The following AKAP9 variants were observed in gnomAD, a reference collection of about 807,000 sequenced individuals.
AKAP9 encodes A-kinase anchoring protein 9.
Under a neutral mutation model 488.5 loss-of-function variants are expected in AKAP9, and 311 were observed. The ratio of observed to expected loss-of-function variants is 0.64; its 90% confidence interval spans 0.58 to 0.70. AKAP9 has a LOEUF of 0.70. Among genes scored for constraint, AKAP9 ranks in the 30% least tolerant of loss-of-function variants. The pLI is 0.00. For synonymous variants in AKAP9, 1,462 were observed against 1,483.5 expected, an observed-to-expected ratio of 0.99 and a Z score of 0.33; for missense variants, 4,215 against 4,374.5, an observed-to-expected ratio of 0.96 and a Z score of 1.03.
Position 92,083,511 on chromosome 7 carries a change from A to G in AKAP9, c.8502A>G (p.Leu2834=). 1.9e-6 allele frequency: 3 copies of G among 1,607,474 alleles called. No homozygotes were observed. The highest frequency in any genetic ancestry group is 1.7e-6 in the Non-Finnish European group (2 of 1,177,022). The part of the protein sequence containing the change: ...FTEKIEKMQE[L]HAAEILDMES... ...AAAAAATTGAGAAGATGCAAGAACTACATGCTGCTGAAATTTTGGACATGG... is the reference window on the plus strand; with the variant it reads ...AAAAAATTGAGAAGATGCAAGAACTGCATGCTGCTGAAATTTTGGACATGG... Residue 2834 remains leucine, a synonymous_variant, in exon 33 of 50, where the codon CTA becomes CTG. Transcript: ENST00000356239.
chr7:91,942,777 C>G (rs552289826), intron 1 of AKAP9, among the ~76,000 whole-genome samples: 1 of 152,200 alleles, frequency 6.6e-6, no homozygotes, highest in South Asian at 2.1e-4. Context: ...GTTTCTTTAT[C>G]TTTCAGAATT....
At chr7:92,095,840 C>T (rs1267327543) in intron 40 of AKAP9, among the ~76,000 whole-genome samples, 1 of 152,182 alleles carries the variant, frequency 6.6e-6, no homozygotes, top group East Asian at 1.9e-4. Flanking sequence ...AAAGAGAACT[C>T]TCTGCCCGGC....
At chr7:92,094,933 T>A in intron 39 of AKAP9, 90 bp from the exon 40 acceptor site, 1 of 1,184,676 alleles carries the variant, frequency 8.4e-7, no homozygotes, top group Non-Finnish European at 1.2e-6. Context: ...ATTATATGCC[T>A]CAACTTATCA....
chr7:92,040,839 C>T lies in AKAP9; in HGVS notation c.4858C>T (p.Arg1620Ter), dbSNP rs551980172. Residue 1620 changes from arginine (R) to a stop codon, truncating the protein, a stop_gained, in exon 18 of 50, where the codon CGA becomes TGA. Transcript: ENST00000356239. LOFTEE classifies it high-confidence loss of function. ...QAHMRQMERQ[R>*]EDQEQLQEEI... is the part of the protein sequence containing the mutation. ...ACATATGCGGCAAATGGAGAGACAG[C>T]GAGAAGACCAGGAACAGCTACAAGA... The T allele has an allele frequency of 6.2e-7, 1 of 1,613,724 alleles. No homozygotes were observed. Among genetic ancestry groups the T allele is most frequent in the Non-Finnish European group, 8.5e-7 (1 of 1,179,924 alleles).
rs974427170 is a variant in AKAP9 at position 92,072,656 on chromosome 7, G to T, written c.6612+1647G>T. On this transcript the variant is annotated intron_variant, in intron 28 of 49. Coordinates refer to ENST00000356239, the MANE Select transcript of AKAP9 (RefSeq NM_005751.5). ...ATAAAAAGAGAACTCTAAAAGAAAG[G>T]AGTTTTAGAATTATAGGAGGAGGTA... Among the ~76,000 whole-genome samples the T allele has an allele frequency of 9.1e-4, 138 of 152,094 alleles. 13 individuals carry two copies. Among genetic ancestry groups the T allele is most frequent in the Non-Finnish European group, 5.9e-5 (4 of 68,024 alleles).
At chr7:91,952,570 A>G (rs1792395818) in intron 1 of AKAP9, among the ~76,000 whole-genome samples, 1 of 152,178 alleles carries the variant, frequency 6.6e-6, no homozygotes, top group South Asian at 2.1e-4. Flanking sequence ...GTGGAAGGTG[A>G]GTAGAAGCTT....
chr7:92,061,242 G>GT lies in AKAP9; in HGVS notation c.5602-15dup. The GT allele has an allele frequency of 6.2e-7, 1 of 1,610,004 alleles. No individual in the cohort carries two copies. Among genetic ancestry groups the GT allele is most frequent in the African/African-American group, 1.3e-5 (1 of 74,758 alleles). On this transcript the variant is annotated splice_polypyrimidine_tract_variant and intron_variant, in intron 22 of 49. Coordinates refer to ENST00000356239, the MANE Select transcript of AKAP9 (RefSeq NM_005751.5). ...CACACTTTATTTTCTTTTATGTATT[G>GT]TTTCCCTCTTTGTTTAGCTTGAACA...
Position 92,021,319 on chromosome 7 carries a change from G to A in AKAP9, c.3838-919G>A, listed in dbSNP as rs982569632. 9.9e-5 allele frequency among the ~76,000 whole-genome samples: 15 copies of A among 152,132 alleles called. No homozygotes were observed. The South Asian group carries it at 2.9e-3, about 29-fold the overall frequency. ...GCAGATATATTGTTATTTTTTAAACGGATTTTATATTTTTACTCTTGTCAC... is the reference window on the plus strand; with the variant it reads ...GCAGATATATTGTTATTTTTTAAACAGATTTTATATTTTTACTCTTGTCAC... On this transcript the variant is annotated intron_variant, in intron 12 of 49. Transcript: ENST00000356239.
chr7:92,030,443 C>A (rs1210354409), intron 15 of AKAP9, among the ~76,000 whole-genome samples: 2 of 151,018 alleles, frequency 1.3e-5, no homozygotes, highest in Non-Finnish European at 3.0e-5. Flanking sequence ...GAGATCAAGA[C>A]CAGCCTGGCT....
intron 33 of AKAP9, 82 bp downstream of exon 33, chr7:92,083,737 TG>T: frequency 6.8e-7 from 1 of 1,471,978 alleles, no homozygotes; most frequent in Non-Finnish European, 9.2e-7. Flanking sequence ...ATTTTGTAGA[TG>T]ACAAACCAAA....
At chr7:92,104,887 T>A (rs1268926802) in intron 46 of AKAP9, among the ~76,000 whole-genome samples, 2 of 152,184 alleles carry the variant, frequency 1.3e-5, no homozygotes, top group South Asian at 2.1e-4. Context: ...TGGGGAAGAC[T>A]AATATGCACA....
chr7:92,033,111 T>C (rs911813571), intron 16 of AKAP9, among the ~76,000 whole-genome samples: 2 of 152,206 alleles, frequency 1.3e-5, no homozygotes, highest in African/African-American at 2.4e-5. Context: ...AAAGTAGTCA[T>C]TACTGTGATA....
At position 92,029,930 on chromosome 7, in the gene AKAP9, A is replaced by C. The variant is rs774408420; in HGVS notation, c.4184A>C (p.Asp1395Ala). Residue 1395 changes from aspartate to alanine, a missense_variant, in exon 15 of 50, where the codon GAT (aspartate) becomes GCT (alanine). Coordinates refer to ENST00000356239, the MANE Select transcript of AKAP9 (RefSeq NM_005751.5). Reference protein sequence around the residue: ...PVDSVVITESDAQRTMYPGSC... With the variant: ...PVDSVVITESAAQRTMYPGSC... ...GATTCGGTGGTAATTACAGAATCTG[A>C]TGCACAGAGAACAATGTACCCTGGA... 36 of 1,613,152 alleles carry C rather than the reference A, an allele frequency of 2.2e-5. No homozygotes were observed. Among genetic ancestry groups the C allele is most frequent in the Non-Finnish European group, 3.0e-5 (35 of 1,179,386 alleles).
chr7:92,066,749 A>G (rs564095171), intron 26 of AKAP9, among the ~76,000 whole-genome samples: 2 of 152,320 alleles, frequency 1.3e-5, no homozygotes, highest in South Asian at 2.1e-4. Context: ...TTCCATCTGC[A>G]TATGTCTTCT....
intron 1 of AKAP9, 26 bp downstream of exon 1, chr7:91,941,173 C>T: frequency 1.9e-6 from 3 of 1,611,300 alleles, no homozygotes; most frequent in Non-Finnish European, 1.7e-6. Flanking sequence ...GCAACCGGGC[C>T]TGCGGTGGGA....
chr7:92,065,185 A>G (rs60679463), intron 24 of AKAP9, 46 bp from the exon 25 acceptor site: 1 of 1,274,854 alleles, frequency 7.8e-7, no homozygotes, highest in Admixed American at 1.8e-5. Flanking sequence ...TTATCATAAG[A>G]TCATTAATTG....
At chr7:92,000,818 A>T (rs1362638872) in intron 7 of AKAP9, 30 bp from the exon 8 acceptor site, 5 of 1,205,272 alleles carry the variant, frequency 4.1e-6, no homozygotes, top group Non-Finnish European at 5.7e-6. Flanking sequence ...TAAAAATGCC[A>T]TTCTTACATT....
At chr7:92,017,572 T>A (rs1451368216) in intron 12 of AKAP9, among the ~76,000 whole-genome samples, 5 of 152,154 alleles carry the variant, frequency 3.3e-5, no homozygotes, top group Non-Finnish European at 5.9e-5. Flanking sequence ...TATTAACTCT[T>A]ATCAGTAAAA....
intron 13 of AKAP9, 61 bp from the exon 14 acceptor site, chr7:92,022,753 T>G: frequency 9.3e-7 from 1 of 1,079,982 alleles, no homozygotes; most frequent in East Asian, 2.4e-5. Flanking sequence ...ACAGTGATTG[T>G]GCTATTTCAC....
Sources: allele counts gnomAD v4.1 joint callset (sites outside exome capture counted in the v4.1 genomes callset), GRCh38; gene constraint gnomAD v4.1.1; transcripts MANE v1.5; gene names NCBI Gene and HGNC (gene_info 2026-07-23, HGNC 2026-07-21).